Variants in HTR6 observed in about 807,000 individuals in gnomAD.
HTR6 encodes the protein 5-hydroxytryptamine (serotonin) receptor 6, G protein-coupled.
A neutral mutation model predicts 17.4 loss-of-function variants in HTR6; 15 were observed. The observed-to-expected ratio is 0.86, with a 90% CI of 0.58 to 1.33. The LOEUF (loss-of-function observed/expected upper bound fraction) is 1.33. Ranked by LOEUF, HTR6 falls within the 40% of genes most tolerant of loss-of-function variation. The probability of loss-of-function intolerance (pLI) is 0.00; values close to 1 mark genes in which losing one functional copy is unlikely to be tolerated. For synonymous variants in HTR6, 326 were observed against 295.5 expected, an observed-to-expected ratio of 1.10 and a Z score of -1.06; for missense variants, 578 against 616.0, an observed-to-expected ratio of 0.94 and a Z score of 0.65.
rs180765441 is a variant in HTR6, at chr1:19,665,166, C to A, written c.-588C>A. ...CCCCGCGCCGCACAGGCCGTGTGCG[C>A]CGGATCCCGGTGCCTCCGCGCCAGC... On this transcript the variant is annotated 5_prime_UTR_variant, in exon 1 of 3. Coordinates refer to ENST00000289753, the MANE Select transcript of HTR6 (RefSeq NM_000871.3). This position sits in a 1 kb window ranked among gnomAD's most constrained non-coding sequence, Gnocchi z 4.2. The A allele has an allele frequency of 2.0e-5, 3 of 151,976 alleles. No individual in the cohort carries two copies. The highest frequency in any genetic ancestry group is 7.2e-5 in the African/African-American group (3 of 41,410). 9.4% of individuals were successfully genotyped at this position (151,976 alleles called of 1,614,324 possible).
chr1:19,675,761 C>T (rs1016719554), intron 1 of HTR6, among the ~76,000 whole-genome samples: 4 of 152,040 alleles, frequency 2.6e-5, no homozygotes, highest in African/African-American at 4.8e-5. Context: ...CCGTCTATTC[C>T]CATTGATGGC....
At chr1:19,673,603 C>T (rs989664336) in intron 1 of HTR6, among the ~76,000 whole-genome samples, 1 of 152,144 alleles carries the variant, frequency 6.6e-6, no homozygotes, top group Non-Finnish European at 1.5e-5. Context: ...GAGGCTGAGG[C>T]AGGAGAATCG....
In HTR6 at chr1:19,678,711, G is replaced by C; in HGVS notation, c.859G>C (p.Ala287Pro). The stretch of plus-strand genomic sequence containing the variant: ...TGTGACCTGGTTGCCCTTCTTTGTG[G>C]CCAACATAGTCCAGGTAATGCCACG... ...FFVTWLPFFV[A>P]NIVQAVCDCI... The change falls in exon 2 of 3, where the codon GCC becomes CCC. Residue 287 changes from alanine to proline, a missense_variant. Physicochemically the swap from Ala to Pro is conservative, Grantham distance 27 (BLOSUM62 -1). Coordinates refer to ENST00000289753, the MANE Select transcript of HTR6 (RefSeq NM_000871.3). 6.2e-7 allele frequency: 1 copy of C among 1,611,878 alleles called. No homozygotes were observed. Among genetic ancestry groups the C allele is most frequent in the Non-Finnish European group, 8.5e-7 (1 of 1,178,318 alleles).
chr1:19,669,166 T>G (rs1310463895), intron 1 of HTR6, among the ~76,000 whole-genome samples: 1 of 152,108 alleles, frequency 6.6e-6, no homozygotes, highest in African/African-American at 2.4e-5. Flanking sequence ...CTGGGTGAGG[T>G]TGGGGCGGGA....
chr1:19,673,685 C>T lies in HTR6; in HGVS notation c.715-4882C>T, dbSNP rs187278663. 3.9e-5 allele frequency among the ~76,000 whole-genome samples: 6 copies of T among 152,054 alleles called. No homozygotes were observed. In the South Asian group the frequency reaches 6.2e-4, roughly 16 times the overall value. ...TGCACTCCAGCCTGGGCAACAAGAGCGAGACTTCGTCTCAAAAAATAAATA... is the reference window on the plus strand; with the variant it reads ...TGCACTCCAGCCTGGGCAACAAGAGTGAGACTTCGTCTCAAAAAATAAATA... On this transcript the variant is annotated intron_variant, in intron 1 of 2. Transcript: ENST00000289753.
chr1:19,670,574 C>G (rs1294956520), intron 1 of HTR6, among the ~76,000 whole-genome samples: 1 of 151,834 alleles, frequency 6.6e-6, no homozygotes, highest in East Asian at 1.9e-4. Flanking sequence ...AAGCAATTCT[C>G]CTGCCTCAGC....
chr1:19,678,773 C>A lies in HTR6; in HGVS notation c.873+48C>A, dbSNP rs995960608. ...GTGAGTCCGGCCCTTGCAGGAGAGG[C>A]CCTGGATCCCAGCCCAGGCATGGGG... On this transcript the variant is annotated intron_variant, in intron 2 of 2. Transcript: ENST00000289753. 8 of 1,579,668 alleles carry A rather than the reference C, an allele frequency of 5.1e-6. No individual in the cohort carries two copies. In the African/African-American group the frequency reaches 5.4e-5, roughly 11 times the overall value.
rs2095100668 is a variant in HTR6 at position 19,680,428 on chromosome 1, G to GGAGGGTC, written c.*1060_*1061insGAGGGTC. 1.3e-5 allele frequency among the ~76,000 whole-genome samples: 2 copies of GGAGGGTC among 152,186 alleles called. No individual in the cohort carries two copies. Among genetic ancestry groups the GGAGGGTC allele is most frequent in the Admixed American group, 6.5e-5 (1 of 15,278 alleles). On this transcript the variant is annotated 3_prime_UTR_variant, in exon 3 of 3. Coordinates refer to ENST00000289753, the MANE Select transcript of HTR6 (RefSeq NM_000871.3). ...CAGGGACCCTCCCAGCTCCCAAGCT[G>GGAGGGTC]CTGCCCTGCCTTTCCTGGGGGCAAA...
At chr1:19,674,411 T>C (rs1382526091) in intron 1 of HTR6, among the ~76,000 whole-genome samples, 1 of 150,620 alleles carries the variant, frequency 6.6e-6, no homozygotes, top group Admixed American at 6.6e-5. Context: ...CTTCTCTTTT[T>C]TTTTTTTTTT....
chr1:19,665,819 C>G lies in HTR6; in HGVS notation c.66C>G (p.Ala22=). The change falls in exon 1 of 3, where the codon GCC becomes GCG. Residue 22 remains alanine, a synonymous_variant. Transcript: ENST00000289753. This position sits in a 1 kb window ranked among gnomAD's most constrained non-coding sequence, Gnocchi z 4.2. Reference sequence around the variant, plus strand: ...CCTGGGGGGCAGGGCCGCCGTCGGCCCCGGGGGGCAGCGGCTGGGTGGCGG... The same window carrying G: ...CCTGGGGGGCAGGGCCGCCGTCGGCGCCGGGGGGCAGCGGCTGGGTGGCGG... ...TPAWGAGPPS[A]PGGSGWVAAA... The G allele has an allele frequency of 6.4e-7, 1 of 1,565,674 alleles. No individual in the cohort carries two copies. Among genetic ancestry groups the G allele is most frequent in the South Asian group, 1.2e-5 (1 of 83,128 alleles).
At position 19,678,688 on chromosome 1, in the gene HTR6, T is replaced by C. The variant is rs1160736498; in HGVS notation, c.836T>C (p.Val279Ala). The change falls in exon 2 of 3, where the codon GTG (valine) becomes GCG (alanine). Residue 279 changes from valine to alanine, a missense_variant. Transcript: ENST00000289753. ...GGCATCCTGCTGGGCATGTTCTTTGTGACCTGGTTGCCCTTCTTTGTGGCC... is the reference window on the plus strand; with the variant it reads ...GGCATCCTGCTGGGCATGTTCTTTGCGACCTGGTTGCCCTTCTTTGTGGCC... The part of the protein sequence containing the change: ...TLGILLGMFF[V>A]TWLPFFVANI... 6.2e-7 allele frequency: 1 copy of C among 1,613,078 alleles called. No individual in the cohort carries two copies. The highest frequency in any genetic ancestry group is 8.5e-7 in the Non-Finnish European group (1 of 1,179,204).
Position 19,666,410 on chromosome 1 carries a change from C to G in HTR6, c.657C>G (p.Ala219=), listed in dbSNP as rs373493742. The change falls in exon 1 of 3, where the codon GCC becomes GCG. Residue 219 remains alanine (A), a synonymous_variant. Coordinates refer to ENST00000289753, the MANE Select transcript of HTR6 (RefSeq NM_000871.3). The surrounding 1 kb of genome is among the most constrained non-coding windows in gnomAD (Gnocchi z 4.5). ...CRILLAARKQ[A]VQVASLTTGM... ...TCCTGCTAGCTGCCCGCAAGCAGGC[C>G]GTGCAGGTGGCCTCCCTCACCACCG... 1.4e-5 allele frequency: 22 copies of G among 1,613,396 alleles called. No homozygotes were observed. Among genetic ancestry groups the G allele is most frequent in the African/African-American group, 6.7e-5 (5 of 74,928 alleles).
Position 19,665,451 on chromosome 1 carries a change from T to G in HTR6, c.-303T>G. ...CGACCTCTGCTTGACTTCCCGCCGC[T>G]TCCTTCAGGGGCCTCGGCTCATCGG... On this transcript the variant is annotated 5_prime_UTR_variant, in exon 1 of 3. Transcript: ENST00000289753. The surrounding 1 kb of genome is among the most constrained non-coding windows in gnomAD (Gnocchi z 4.2). The G allele has an allele frequency of 3.2e-6, 1 of 313,400 alleles. No homozygotes were observed. The allele number at this position is 313,400 out of a possible 1,614,324, so 19.4% of individuals were successfully genotyped here.
chr1:19,675,861 G>T (rs1243322732), intron 1 of HTR6, among the ~76,000 whole-genome samples: 1 of 152,164 alleles, frequency 6.6e-6, no homozygotes, highest in Non-Finnish European at 1.5e-5. Context: ...GGTCACAAAA[G>T]CCATATAGAG....
intron 1 of HTR6, among the ~76,000 whole-genome samples, chr1:19,675,838 C>G (rs1394302841): frequency 2.0e-5 from 3 of 152,140 alleles, no homozygotes; most frequent in Non-Finnish European, 4.4e-5. Flanking sequence ...TTCCTCCAGG[C>G]TGACCATGGT....
chr1:19,666,356 G>C lies in HTR6; in HGVS notation c.603G>C (p.Ser201=), dbSNP rs756004302. The C allele has an allele frequency of 6.2e-7, 1 of 1,613,792 alleles. No homozygotes were observed. The change falls in exon 1 of 3, where the codon TCG becomes TCC. Residue 201 remains serine, a synonymous_variant. Transcript: ENST00000289753. The surrounding 1 kb of genome is among the most constrained non-coding windows in gnomAD (Gnocchi z 4.5). ...CGGGCCTCACCTTCTTCCTGCCCTCGGGTGCCATATGCTTCACCTACTGCA... is the reference window on the plus strand; with the variant it reads ...CGGGCCTCACCTTCTTCCTGCCCTCCGGTGCCATATGCTTCACCTACTGCA... ...VASGLTFFLP[S]GAICFTYCRI...
rs375136003 is a variant in HTR6, at chr1:19,667,588, G to C, written c.714+1121G>C. Among the ~76,000 whole-genome samples the C allele has an allele frequency of 2.2e-4, 34 of 152,188 alleles. No homozygotes were observed. The East Asian group carries it at 5.2e-3, about 23-fold the overall frequency. ...CCACCACTATACCAGGCTAACTTTT[G>C]TATTTTTGGTAGAGATGGGGTTTCA... On this transcript the variant is annotated intron_variant, in intron 1 of 2. Transcript: ENST00000289753.
intron 1 of HTR6, among the ~76,000 whole-genome samples, chr1:19,673,213 A>G (rs1419114434): frequency 1.3e-5 from 2 of 152,216 alleles, no homozygotes; most frequent in East Asian, 3.8e-4. Context: ...TCAGTGTATT[A>G]TTTTATTTTA....
chr1:19,678,526 G>A (rs763643170), intron 1 of HTR6, 41 bp from the exon 2 acceptor site: 2 of 1,610,708 alleles, frequency 1.2e-6, no homozygotes, highest in Non-Finnish European at 1.7e-6. Context: ...GTCAGACGGG[G>A]GCCCTTTCTC....
Sources: allele counts gnomAD v4.1 joint callset (sites outside exome capture counted in the v4.1 genomes callset), GRCh38; gene constraint gnomAD v4.1.1; non-coding constraint Gnocchi (gnomAD v3.1); transcripts MANE v1.5; gene names NCBI Gene and HGNC (gene_info 2026-07-23, HGNC 2026-07-21).